ST14: variants seen among roughly 807,000 people sequenced by gnomAD.
ST14 encodes the protein ST14 transmembrane serine protease matriptase.
A neutral mutation model predicts 96.5 loss-of-function variants in ST14; 40 were observed. The observed-to-expected ratio is 0.41, with a 90% CI of 0.32 to 0.54. The LOEUF is 0.54. Ranked by LOEUF, ST14 falls within the 20% of genes least tolerant of loss-of-function variation. The pLI, the probability that ST14 is intolerant of heterozygous loss-of-function variation, is 0.17. For synonymous variants in ST14, 506 were observed against 492.1 expected, an observed-to-expected ratio of 1.03 and a Z score of -0.37; for missense variants, 1,066 against 1,188.9, an observed-to-expected ratio of 0.90 and a Z score of 1.52.
rs746882503 is a variant in ST14 at position 130,189,829 on chromosome 11, C to T, written c.531C>T (p.Arg177=). ...CCGAGCGCGTCATGGCCGAGGAGCGCGTAGTCATGCTGCCCCCGCGGGCGC... is the reference window on the plus strand; with the variant it reads ...CCGAGCGCGTCATGGCCGAGGAGCGTGTAGTCATGCTGCCCCCGCGGGCGC... ...EEAERVMAEE[R]VVMLPPRARS... is the part of the protein sequence containing the mutation. Residue 177 remains arginine, a synonymous_variant, in exon 5 of 19, where the codon CGC becomes CGT. Coordinates refer to ENST00000278742, the MANE Select transcript of ST14 (RefSeq NM_021978.4). 5 of 1,613,938 alleles carry T rather than the reference C, an allele frequency of 3.1e-6. No homozygotes were observed. The highest frequency in any genetic ancestry group is 2.2e-5 in the East Asian group (1 of 44,868).
chr11:130,166,294 G>A (rs1208793909), intron 1 of ST14, among the ~76,000 whole-genome samples: 1 of 152,192 alleles, frequency 6.6e-6, no homozygotes, highest in Non-Finnish European at 1.5e-5. Flanking sequence ...CTAGTTGGTT[G>A]TTGTGCACAC....
chr11:130,186,983 T>C (rs1953243640), intron 1 of ST14, among the ~76,000 whole-genome samples: 1 of 152,174 alleles, frequency 6.6e-6, no homozygotes, highest in Non-Finnish European at 1.5e-5. Context: ...CCTATCCCAG[T>C]AAGGCAGGAG....
At chr11:130,196,179 AAACAAACAAACAAAC>A (rs1953360478) in intron 9 of ST14, among the ~76,000 whole-genome samples, 145 bp from the exon 10 acceptor site, 2 of 151,770 alleles carry the variant, frequency 1.3e-5, no homozygotes, top group East Asian at 3.9e-4. Flanking sequence ...ACAAACAAAC[AAACAAACAAACAAAC>A]ACGCTGGGAG....
At position 130,168,651 on chromosome 11, in the gene ST14, C is replaced by T. The variant is rs1015279310; in HGVS notation, c.81+8591C>T. ...ATGCCCTGCAGAATCTGTCTCGGCT[C>T]TGAGAATCCAATTTCAAGGGTAGAT... On this transcript the variant is annotated intron_variant, in intron 1 of 18. Transcript: ENST00000278742. 2.0e-5 allele frequency among the ~76,000 whole-genome samples: 3 copies of T among 152,320 alleles called. No individual in the cohort carries two copies. The East Asian group carries it at 5.8e-4, about 29-fold the overall frequency.
At chr11:130,167,013 C>A (rs1215443723) in intron 1 of ST14, among the ~76,000 whole-genome samples, 1 of 152,204 alleles carries the variant, frequency 6.6e-6, no homozygotes, top group Non-Finnish European at 1.5e-5. Context: ...GAGTTCAAGA[C>A]TAGCCTGGCC....
At chr11:130,184,245 T>C (rs1387762312) in intron 1 of ST14, among the ~76,000 whole-genome samples, 1 of 152,236 alleles carries the variant, frequency 6.6e-6, no homozygotes, top group African/African-American at 2.4e-5. Flanking sequence ...CTTAAATATA[T>C]ACACTTTATT....
At chr11:130,183,413 A>C (rs1443386480) in intron 1 of ST14, among the ~76,000 whole-genome samples, 1 of 152,206 alleles carries the variant, frequency 6.6e-6, no homozygotes, top group African/African-American at 2.4e-5. Context: ...GATAACATAA[A>C]AATGTCTAGT....
chr11:130,194,029 T>C, intron 7 of ST14, 120 bp from the exon 8 acceptor site: 1 of 1,321,258 alleles, frequency 7.6e-7, no homozygotes, highest in Non-Finnish European at 1.1e-6. Flanking sequence ...TTGGCCTCTG[T>C]GGATGGGACC....
intron 1 of ST14, among the ~76,000 whole-genome samples, chr11:130,168,147 T>C (rs1396581997): frequency 3.3e-5 from 5 of 152,250 alleles, no homozygotes; most frequent in African/African-American, 1.2e-4. Context: ...CTTATTTTAA[T>C]CGTTTTATTG....
At chr11:130,209,608 G>A in intron 18 of ST14, 30 bp downstream of exon 18, 2 of 1,590,812 alleles carry the variant, frequency 1.3e-6, no homozygotes, top group Non-Finnish European at 8.6e-7. Flanking sequence ...GGCGGCAGGT[G>A]GGCCCCGGGA....
intron 7 of ST14, among the ~76,000 whole-genome samples, chr11:130,191,508 G>A (rs546193383): frequency 1.6e-4 from 25 of 151,532 alleles, no homozygotes; most frequent in Non-Finnish European, 2.9e-4. Context: ...AAGCCAACCT[G>A]GTGAAACCCT....
intron 1 of ST14, among the ~76,000 whole-genome samples, chr11:130,172,818 C>T (rs1051433859): frequency 3.9e-5 from 6 of 152,130 alleles, no homozygotes; most frequent in Non-Finnish European, 8.8e-5. Flanking sequence ...TATTTATTTG[C>T]AAAACATCTT....
chr11:130,183,079 C>G (rs1953208849), intron 1 of ST14, among the ~76,000 whole-genome samples: 1 of 152,080 alleles, frequency 6.6e-6, no homozygotes, highest in Non-Finnish European at 1.5e-5. Context: ...GCCTCAGCCC[C>G]CCGAGTAGCT....
intron 1 of ST14, among the ~76,000 whole-genome samples, chr11:130,174,164 C>T (rs566246626): frequency 6.6e-6 from 1 of 152,236 alleles, no homozygotes; most frequent in East Asian, 1.9e-4. Context: ...CAGGCTGCAG[C>T]CCCAGGAGCT....
At chr11:130,200,311 G>A (rs1953414765) in intron 16 of ST14, among the ~76,000 whole-genome samples, 174 bp downstream of exon 16, 1 of 152,218 alleles carries the variant, frequency 6.6e-6, no homozygotes, top group Admixed American at 6.5e-5. Context: ...AAAGAAAAGA[G>A]TTTATTTGGC....
In ST14 at chr11:130,194,166, C is replaced by A. The variant is rs772021263; in HGVS notation, c.893C>A (p.Pro298His). 20 of 1,614,090 alleles carry A rather than the reference C, an allele frequency of 1.2e-5. No individual in the cohort carries two copies. Among genetic ancestry groups the A allele is most frequent in the Non-Finnish European group, 1.4e-5 (17 of 1,180,038 alleles). Residue 298 changes from proline (P) to histidine (H), a missense_variant, in exon 8 of 19, where the codon CCT becomes CAT. Transcript: ENST00000278742. ...CCCCACAGGTTGTGTGGCACCTACCCTCCCTCCTACAACCTGACCTTCCAC... is the reference window on the plus strand; with the variant it reads ...CCCCACAGGTTGTGTGGCACCTACCATCCCTCCTACAACCTGACCTTCCAC... ...HALVQLCGTY[P>H]PSYNLTFHSS...
Position 130,198,584 on chromosome 11 carries a change from C to T in ST14, c.1647C>T (p.Asp549=). The T allele has an allele frequency of 6.2e-7, 1 of 1,614,044 alleles. No homozygotes were observed. The highest frequency in any genetic ancestry group is 8.5e-7 in the Non-Finnish European group (1 of 1,180,012). ...SKSQQCNGKD[D]CGDGSDEASC... is the part of the protein sequence containing the mutation. Reference sequence around the variant, plus strand: ...GCCAGCAGTGCAATGGGAAGGACGACTGTGGGGACGGGTCCGACGAGGCCT... The same window carrying T: ...GCCAGCAGTGCAATGGGAAGGACGATTGTGGGGACGGGTCCGACGAGGCCT... The change falls in exon 14 of 19, where the codon GAC becomes GAT. Residue 549 remains aspartate, a synonymous_variant. Coordinates refer to ENST00000278742, the MANE Select transcript of ST14 (RefSeq NM_021978.4).
chr11:130,162,329 T>C (rs984462287), intron 1 of ST14, among the ~76,000 whole-genome samples: 8 of 152,206 alleles, frequency 5.3e-5, no homozygotes, highest in African/African-American at 1.9e-4. Flanking sequence ...GGGAAACAGA[T>C]GCCACTTCTT....
intron 1 of ST14, among the ~76,000 whole-genome samples, chr11:130,182,720 G>A (rs1953204273): frequency 6.6e-6 from 1 of 151,346 alleles, no homozygotes. Flanking sequence ...TGTGATCTCG[G>A]CTCACTGCAA....
Sources: allele counts gnomAD v4.1 joint callset (sites outside exome capture counted in the v4.1 genomes callset), GRCh38; gene constraint gnomAD v4.1.1; transcripts MANE v1.5; gene names NCBI Gene and HGNC (gene_info 2026-07-23, HGNC 2026-07-21).